Variants in ZNF140 observed in about 807,000 individuals in gnomAD.
ZNF140 encodes the protein zinc finger protein 140 (clone pHZ-39).
ZNF140 carries 13 observed loss-of-function variants against 12.9 expected under a neutral mutation model. The ratio of observed to expected loss-of-function variants is 1.01; its 90% CI spans 0.66 to 1.60. The LOEUF (loss-of-function observed/expected upper bound fraction) is 1.60, where lower values mean the gene tolerates loss of function less well. Among genes scored for constraint, ZNF140 ranks in the 40% most tolerant of loss-of-function variants. The pLI, the probability that ZNF140 is intolerant of heterozygous loss-of-function variation, is 0.00. For missense variants in ZNF140, 531 were observed against 548.8 expected (o/e 0.97, Z 0.32); for synonymous variants, 214 against 186.7 (o/e 1.15, Z -1.19).
chr12:133,101,452 G>C (rs1284283069), intron 4 of ZNF140, among the ~76,000 whole-genome samples: 1 of 149,392 alleles, frequency 6.7e-6, no homozygotes, highest in Non-Finnish European at 1.5e-5. Context: ...TTTCATTACA[G>C]GAATTCTTTT....
In ZNF140 at chr12:133,100,173, T is replaced by TTG. The variant is rs1299306801; in HGVS notation, c.233-5336_233-5335insGT. ...AATGCCTTTTCCGTTTTTTTTTTTT[T>TTG]TTTTTTTTTTTTTTGGCAGGGTCTT... On this transcript the variant is annotated intron_variant, in intron 4 of 4. Coordinates refer to ENST00000355557, the MANE Select transcript of ZNF140 (RefSeq NM_003440.4). 3.5e-3 allele frequency among the ~76,000 whole-genome samples: 489 copies of TTG among 139,680 alleles called. 6 individuals are homozygous for TTG. Among genetic ancestry groups the TTG allele is most frequent in the African/African-American group, 0.013 (469 of 36,132 alleles). The allele number at this position is 139,680 out of a possible 152,430, so 91.6% of individuals were successfully genotyped here.
At chr12:133,083,045 G>T in intron 2 of ZNF140, 58 bp from the exon 3 acceptor site, 2 of 1,612,512 alleles carry the variant, frequency 1.2e-6, no homozygotes. Flanking sequence ...TTTATTCCTT[G>T]ATGAGGGAGT....
rs373487391 is a variant in ZNF140 at position 133,098,025 on chromosome 12, G to A, written c.233-7485G>A. Among the ~76,000 whole-genome samples, 545 of 152,156 alleles carry A rather than the reference G, an allele frequency of 3.6e-3. 4 individuals carry two copies. The highest frequency in any genetic ancestry group is 0.012 in the African/African-American group (502 of 41,528). ...ATTTTTGTATTTTTAGTAGAGACGGGATTTCACCATGTTGGCCAGGCTGGT... is the reference window on the plus strand; with the variant it reads ...ATTTTTGTATTTTTAGTAGAGACGGAATTTCACCATGTTGGCCAGGCTGGT... On this transcript the variant is annotated intron_variant, in intron 4 of 4. Transcript: ENST00000355557.
rs923202372 is a variant in ZNF140 at position 133,104,139 on chromosome 12, C to A, written c.233-1371C>A. Among the ~76,000 whole-genome samples the A allele has an allele frequency of 2.5e-4, 38 of 152,152 alleles. No homozygotes were observed. The East Asian group carries it at 6.4e-3, about 25-fold the overall frequency. On this transcript the variant is annotated intron_variant, in intron 4 of 4. Coordinates refer to ENST00000355557, the MANE Select transcript of ZNF140 (RefSeq NM_003440.4). Reference sequence around the variant, plus strand: ...GTATGTTTGACTGAAATGACAAATGCGTTTTTAGATGTTATTGGGAATTTT... The same window carrying A: ...GTATGTTTGACTGAAATGACAAATGAGTTTTTAGATGTTATTGGGAATTTT...
chr12:133,084,333 C>T (rs1467596113), intron 4 of ZNF140: 5 of 320,526 alleles, frequency 1.6e-5, no homozygotes, highest in Non-Finnish European at 2.4e-5. Flanking sequence ...TTTATTTATT[C>T]CTTCACATAC....
intron 4 of ZNF140, chr12:133,093,519 C>T (rs1286032452): frequency 1.4e-6 from 1 of 696,958 alleles, no homozygotes; most frequent in Admixed American, 2.0e-5. Context: ...AGTATCCAAA[C>T]TGGAAGCTGA....
In ZNF140 at chr12:133,092,273, G is replaced by A. The variant is rs542668593; in HGVS notation, c.232+8712G>A. 5.9e-4 allele frequency among the ~76,000 whole-genome samples: 89 copies of A among 150,882 alleles called. 3 individuals carry two copies. Among genetic ancestry groups the A allele is most frequent in the African/African-American group, 1.7e-3 (68 of 40,724 alleles). ...ATGTACGGATGGAGAAGCCTCCCAC[G>A]GTCGGTCCATGGACACAGGGATCCT... On this transcript the variant is annotated intron_variant, in intron 4 of 4. Coordinates refer to ENST00000355557, the MANE Select transcript of ZNF140 (RefSeq NM_003440.4).
intron 4 of ZNF140, among the ~76,000 whole-genome samples, chr12:133,087,804 A>G (rs1387589162): frequency 1.3e-5 from 2 of 152,174 alleles, no homozygotes; most frequent in Non-Finnish European, 2.9e-5. Context: ...AATGCTAGTC[A>G]ATTTGTATAT....
chr12:133,081,406 C>T (rs895264533), intron 2 of ZNF140, 77 bp downstream of exon 2: 1 of 215,406 alleles, frequency 4.6e-6, no homozygotes, highest in Middle Eastern at 9.4e-4. Flanking sequence ...GAGACAGGGT[C>T]TCCTCCTGTC....
Position 133,083,755 on chromosome 12 carries a change from C to T in ZNF140, c.232+194C>T, listed in dbSNP as rs1045197252. On this transcript the variant is annotated intron_variant, in intron 4 of 4. Transcript: ENST00000355557. ...TGGGTGGATCACGACGTCAGGAGAT[C>T]GAGACCATCCTGGCTAACACGGTGA... Among the ~76,000 whole-genome samples the T allele has an allele frequency of 3.6e-4, 55 of 152,114 alleles. No homozygotes were observed. The South Asian group carries it at 4.2e-3, about 11-fold the overall frequency.
chr12:133,096,497 A>G (rs953061305), intron 4 of ZNF140, among the ~76,000 whole-genome samples: 12 of 152,298 alleles, frequency 7.9e-5, no homozygotes, highest in African/African-American at 2.6e-4. Flanking sequence ...TTTTTCTAAT[A>G]TATTAATTCA....
In ZNF140 at chr12:133,106,388, T is replaced by C; in HGVS notation, c.1111T>C (p.Ser371Pro). 6.2e-7 allele frequency: 1 copy of C among 1,614,136 alleles called. No individual in the cohort carries two copies. ...TGGTAAAGTTTTCACTTGGCATGCATCCCTTATTCAACATACGAAGAGTCA... is the reference window on the plus strand; with the variant it reads ...TGGTAAAGTTTTCACTTGGCATGCACCCCTTATTCAACATACGAAGAGTCA... ...ECGKVFTWHA[S>P]LIQHTKSHTG... Residue 371 changes from serine to proline, a missense_variant, in exon 5 of 5, where the codon TCC (serine) becomes CCC (proline). Transcript: ENST00000355557.
At chr12:133,093,938 CTCTG>C (rs1453398827) in intron 4 of ZNF140, among the ~76,000 whole-genome samples, 2 of 151,178 alleles carry the variant, frequency 1.3e-5, no homozygotes, top group African/African-American at 4.9e-5. Context: ...TTTCCAGTCT[CTCTG>C]TCTGTTATCC....
intron 4 of ZNF140, chr12:133,093,454 C>T: frequency 1.4e-6 from 1 of 699,836 alleles, no homozygotes; most frequent in Non-Finnish European, 2.6e-6. Context: ...TTTAGCTGGG[C>T]CCATGTCGAC....
chr12:133,095,858 T>C (rs974734622), intron 4 of ZNF140, among the ~76,000 whole-genome samples: 29 of 152,134 alleles, frequency 1.9e-4, no homozygotes, highest in Non-Finnish European at 1.9e-4. Flanking sequence ...CAAGGCAGCA[T>C]TACTGCAAAC....
intron 4 of ZNF140, among the ~76,000 whole-genome samples, chr12:133,090,503 A>G (rs1954818210): frequency 6.6e-6 from 1 of 152,024 alleles, no homozygotes; most frequent in Non-Finnish European, 1.5e-5. Flanking sequence ...TCTTTTTAAA[A>G]TTTCCTGACA....
At chr12:133,083,627 T>C in intron 4 of ZNF140, 66 bp downstream of exon 4, 2 of 1,444,882 alleles carry the variant, frequency 1.4e-6, no homozygotes, top group South Asian at 1.2e-5. Context: ...GAAAAAGGAA[T>C]ACTTTTTAAT....
At chr12:133,085,398 A>T (rs1253615778) in intron 4 of ZNF140, among the ~76,000 whole-genome samples, 3 of 152,202 alleles carry the variant, frequency 2.0e-5, no homozygotes, top group African/African-American at 4.8e-5. Context: ...AATTTTTTTC[A>T]TTGTGAAATA....
chr12:133,081,171 G>A, intron 1 of ZNF140, 99 bp downstream of exon 1: 1 of 364,836 alleles, frequency 2.7e-6, no homozygotes, highest in Non-Finnish European at 5.3e-6. Context: ...CTACGTGGGA[G>A]GCGCGGAGCG....
Sources: allele counts gnomAD v4.1 joint callset (sites outside exome capture counted in the v4.1 genomes callset), GRCh38; gene constraint gnomAD v4.1.1; transcripts MANE v1.5; gene names NCBI Gene and HGNC (gene_info 2026-07-23, HGNC 2026-07-21).